Variants in GRIK2 observed in about 807,000 individuals in gnomAD.
GRIK2 encodes the protein glutamate ionotropic receptor kainate type subunit 2.
In GRIK2, 32 loss-of-function variants were observed where a neutral mutation model predicts 100.3. That is an observed-to-expected ratio of 0.32 (90% confidence interval 0.24 to 0.43). The LOEUF is 0.43. Among genes scored for constraint, GRIK2 ranks in the 20% least tolerant of loss-of-function variants. The pLI is 1.00. For synonymous variants in GRIK2, 417 were observed against 389.4 expected, an observed-to-expected ratio of 1.07 and a Z score of -0.83; for missense variants, 843 against 1,114.9, an observed-to-expected ratio of 0.76 and a Z score of 3.47.
Position 101,873,877 on chromosome 6 carries a change from G to A in GRIK2, c.1524+14384G>A, listed in dbSNP as rs188395171. ...ATGAGCATCTTTTCATGTGTCTTTT[G>A]GCTGCATAAATGTCTTCTTTGGAGA... On this transcript the variant is annotated intron_variant, in intron 11 of 16. Transcript: ENST00000369134. Among the ~76,000 whole-genome samples the A allele has an allele frequency of 4.6e-3, 697 of 152,228 alleles. 22 individuals are homozygous for A. The highest frequency in any genetic ancestry group is 0.042 in the Admixed American group (644 of 15,278).
intron 15 of GRIK2, among the ~76,000 whole-genome samples, chr6:102,043,863 C>T (rs1770732675): frequency 1.1e-5 from 1 of 91,954 alleles, no homozygotes; most frequent in Non-Finnish European, 2.6e-5. Context: ...TCTCCACATC[C>T]TGATCTGATG....
At chr6:101,683,444 TATAATGTATGAAA>T (rs946853071) in intron 6 of GRIK2, among the ~76,000 whole-genome samples, 18 of 152,196 alleles carry the variant, frequency 1.2e-4, no homozygotes, top group African/African-American at 4.3e-4. Context: ...AATTTTCCCT[TATAATGTATGAAA>T]ATCTGACTTT....
chr6:101,875,136 A>C (rs533354656), intron 11 of GRIK2, among the ~76,000 whole-genome samples: 3 of 152,066 alleles, frequency 2.0e-5, no homozygotes, highest in Non-Finnish European at 4.4e-5. Flanking sequence ...CACTATGTTG[A>C]ATAGGAGTGG....
intron 2 of GRIK2, among the ~76,000 whole-genome samples, chr6:101,493,758 G>A (rs1253896436): frequency 6.6e-6 from 1 of 150,786 alleles, no homozygotes; most frequent in Non-Finnish European, 1.5e-5. Flanking sequence ...ATATATTATT[G>A]GAATTTGTGT....
chr6:101,453,947 C>T (rs1770851658), intron 2 of GRIK2, among the ~76,000 whole-genome samples: 1 of 151,902 alleles, frequency 6.6e-6, no homozygotes, highest in Admixed American at 6.6e-5. Context: ...ATTGTTTGAA[C>T]AAAGCATAAG....
At chr6:101,828,404 C>T (rs112777158) in intron 10 of GRIK2, among the ~76,000 whole-genome samples, 195 of 151,586 alleles carry the variant, frequency 1.3e-3, no homozygotes, top group Non-Finnish European at 1.5e-3. Context: ...CCAGAGCTAG[C>T]GTAAAAAAGA....
At chr6:101,483,546 T>G (rs1277411166) in intron 2 of GRIK2, among the ~76,000 whole-genome samples, 2 of 152,156 alleles carry the variant, frequency 1.3e-5, no homozygotes, top group Non-Finnish European at 2.9e-5. Flanking sequence ...TTCTTCTATT[T>G]CCTTTTGTTA....
chr6:101,822,873 C>G (rs935330949), intron 10 of GRIK2, among the ~76,000 whole-genome samples: 1 of 151,942 alleles, frequency 6.6e-6, no homozygotes, highest in African/African-American at 2.4e-5. Flanking sequence ...GCAGCTGATA[C>G]TATAAAATGA....
At chr6:101,943,040 G>A (rs1313426979) in intron 14 of GRIK2, among the ~76,000 whole-genome samples, 1 of 152,112 alleles carries the variant, frequency 6.6e-6, no homozygotes, top group African/African-American at 2.4e-5. Flanking sequence ...TGGATTCATG[G>A]GCCAGGTCCA....
intron 4 of GRIK2, among the ~76,000 whole-genome samples, chr6:101,648,866 C>T (rs995611342): frequency 6.6e-6 from 1 of 152,074 alleles, no homozygotes; most frequent in East Asian, 1.9e-4. Flanking sequence ...GCTGGGGAGG[C>T]CTCACAAACA....
intron 2 of GRIK2, among the ~76,000 whole-genome samples, chr6:101,616,671 T>G (rs964128857): frequency 1.3e-5 from 2 of 151,734 alleles, no homozygotes; most frequent in African/African-American, 2.4e-5. Flanking sequence ...GTAAGTAGAA[T>G]TAGTGCTTTC....
intron 13 of GRIK2, among the ~76,000 whole-genome samples, chr6:101,926,528 C>T (rs867900002): frequency 6.6e-6 from 1 of 152,044 alleles, no homozygotes; most frequent in Non-Finnish European, 1.5e-5. Flanking sequence ...AATTTGTATG[C>T]TCATAGGACA....
At chr6:101,759,152 T>C (rs1376183005) in intron 7 of GRIK2, among the ~76,000 whole-genome samples, 3 of 152,204 alleles carry the variant, frequency 2.0e-5, no homozygotes, top group Non-Finnish European at 2.9e-5. Context: ...TCTGTAATGA[T>C]TGATTCCATT....
intron 14 of GRIK2, among the ~76,000 whole-genome samples, chr6:102,031,983 A>G (rs538179409): frequency 5.3e-5 from 8 of 151,334 alleles, no homozygotes; most frequent in Non-Finnish European, 8.9e-5. Context: ...GAAACTCTGG[A>G]GAGTTTTAAA....
intron 11 of GRIK2, among the ~76,000 whole-genome samples, chr6:101,878,902 T>A (rs142470493): frequency 1.3e-3 from 193 of 152,166 alleles, no homozygotes; most frequent in African/African-American, 3.7e-3. Context: ...CTGATTATTT[T>A]ACTGTTATAA....
chr6:101,439,234 C>T (rs1769909789), intron 2 of GRIK2, among the ~76,000 whole-genome samples: 1 of 152,102 alleles, frequency 6.6e-6, no homozygotes, highest in South Asian at 2.1e-4. Context: ...AGTTTGGGCA[C>T]TAATCCCTTA....
At chr6:101,985,223 A>G (rs1054954454) in intron 14 of GRIK2, among the ~76,000 whole-genome samples, 1 of 151,704 alleles carries the variant, frequency 6.6e-6, no homozygotes, top group Non-Finnish European at 1.5e-5. Flanking sequence ...ACTTCTATAA[A>G]TTATATTTTG....
In GRIK2 at chr6:101,984,061, T is replaced by C. The variant is rs562871883; in HGVS notation, c.2086-51280T>C. Reference sequence around the variant, plus strand: ...AAAGCCAGGCTTTCAAAAAAACTTATGTGCTCTACATATACTACAGCTACA... The same window carrying C: ...AAAGCCAGGCTTTCAAAAAAACTTACGTGCTCTACATATACTACAGCTACA... On this transcript the variant is annotated intron_variant, in intron 14 of 16. Coordinates refer to ENST00000369134, the MANE Select transcript of GRIK2 (RefSeq NM_021956.5). Among the ~76,000 whole-genome samples the C allele has an allele frequency of 8.6e-4, 131 of 151,912 alleles. 1 individual carries two copies. The highest frequency in any genetic ancestry group is 7.2e-4 in the Admixed American group (11 of 15,204).
chr6:101,634,930 A>G (rs1446986198), intron 4 of GRIK2, among the ~76,000 whole-genome samples: 2 of 152,098 alleles, frequency 1.3e-5, no homozygotes, highest in Non-Finnish European at 2.9e-5. Context: ...TTAGCATAAT[A>G]TAATGGAAAG....
Sources: gnomAD v4.1 joint callset for allele counts (sites outside exome capture counted in the v4.1 genomes callset) on GRCh38, gnomAD v4.1.1 for gene constraint, MANE v1.5 for transcripts, NCBI Gene and HGNC (gene_info 2026-07-23, HGNC 2026-07-21) for gene names.